Variants in PUM3 observed in about 807,000 individuals in gnomAD.
PUM3 encodes the protein pumilio RNA binding family member 3.
In PUM3, 91 loss-of-function variants were observed where a neutral mutation model predicts 84.0. The observed-to-expected ratio is 1.08, with a 90% CI of 0.91 to 1.29. The LOEUF (loss-of-function observed/expected upper bound fraction) is 1.29, where lower values mean the gene tolerates loss of function less well. Among genes scored for constraint, PUM3 ranks in the 50% most tolerant of loss-of-function variants. The probability of loss-of-function intolerance (pLI) is 0.00; values close to 1 mark genes in which losing one functional copy is unlikely to be tolerated. For synonymous variants in PUM3, 321 were observed against 266.7 expected, an observed-to-expected ratio of 1.20 and a Z score of -1.98; for missense variants, 1,067 against 767.5, an observed-to-expected ratio of 1.39 and a Z score of -4.61.
At position 2,824,778 on chromosome 9, in the gene PUM3, A is replaced by C; in HGVS notation, c.1073T>G (p.Leu358Arg). The stretch of plus-strand genomic sequence containing the variant: ...TCTGGCGCCATCGTGTGTGTGTGCC[A>C]GGTAGACCACCGCTTCGCGGATGGC... ...IEAIREAVVY[L>R]AHTHDGARVA... is the part of the protein sequence containing the mutation. The change falls in exon 11 of 18, where the codon CTG becomes CGG. Residue 358 changes from leucine (L) to arginine (R), a missense_variant. Transcript: ENST00000397885. 6.3e-7 allele frequency: 1 copy of C among 1,585,510 alleles called. No individual in the cohort carries two copies. The highest frequency in any genetic ancestry group is 8.6e-7 in the Non-Finnish European group (1 of 1,161,490).
chr9:2,842,841 A>G (rs1203596195), intron 1 of PUM3, among the ~76,000 whole-genome samples: 1 of 152,142 alleles, frequency 6.6e-6, no homozygotes, highest in African/African-American at 2.4e-5. Context: ...TTGCCCCACA[A>G]ACAACAATAT....
rs756132814 is a variant in PUM3, at chr9:2,829,833, A to C, written c.793T>G (p.Leu265Val). 4.3e-6 allele frequency: 7 copies of C among 1,614,056 alleles called. No individual in the cohort carries two copies. In the African/African-American group the frequency reaches 8.0e-5, roughly 18 times the overall value. Residue 265 changes from leucine (L) to valine (V), a missense_variant, in exon 8 of 18, where the codon TTG (leucine) becomes GTG (valine). Physicochemically the swap from Leu to Val is conservative, Grantham distance 32. Coordinates refer to ENST00000397885, the MANE Select transcript of PUM3 (RefSeq NM_014878.5). ...TCCGTCAGCATGTTCCTCTGCTCCA[A>C]AATGGCTTTGTCATTGTATGCGTAC... ...VEYAYNDKAI[L>V]EQRNMLTEEL... is the part of the protein sequence containing the mutation.
At position 2,824,814 on chromosome 9, in the gene PUM3, T is replaced by G; in HGVS notation, c.1037A>C (p.Glu346Ala). ...CGCTTCGCGGATGGCTTCAATCATT[T>G]CCTAGGGAACAAATGCTGTCAGGAA... Reference protein sequence around the residue: ...FTYAPPKLRSEMIEAIREAVV... With the variant: ...FTYAPPKLRSAMIEAIREAVV... The change falls in exon 11 of 18, where the codon GAA (glutamate) becomes GCA (alanine). Residue 346 changes from glutamate to alanine, a missense_variant and splice_region_variant. Transcript: ENST00000397885. The G allele has an allele frequency of 1.3e-6, 2 of 1,556,292 alleles. No individual in the cohort carries two copies. Among genetic ancestry groups the G allele is most frequent in the South Asian group, 2.4e-5 (2 of 84,168 alleles).
intron 13 of PUM3, among the ~76,000 whole-genome samples, chr9:2,816,222 TTAA>T (rs1279913373): frequency 1.3e-5 from 2 of 151,648 alleles, no homozygotes; most frequent in Non-Finnish European, 2.9e-5. Context: ...GGGAAGAGAG[TTAA>T]TAAAAAGTTA....
chr9:2,810,290 G>C (rs1821338605), intron 16 of PUM3, 54 bp downstream of exon 16: 4 of 1,177,882 alleles, frequency 3.4e-6, no homozygotes, highest in African/African-American at 1.5e-5. Flanking sequence ...GGGATGCCAG[G>C]AATTACTGGA....
At position 2,833,345 on chromosome 9, in the gene PUM3, T is replaced by C. The variant is rs372053263; in HGVS notation, c.516+12A>G. The C allele has an allele frequency of 2.0e-6, 3 of 1,466,990 alleles. No homozygotes were observed. The highest frequency in any genetic ancestry group is 2.9e-6 in the Non-Finnish European group (3 of 1,051,048). The allele number at this position is 1,466,990 out of a possible 1,614,324, so 90.9% of individuals were successfully genotyped here. A position where few individuals can be genotyped will look rare whatever the true frequency, so the allele number is the denominator to read the frequency against. On this transcript the variant is annotated intron_variant, in intron 5 of 17. Coordinates refer to ENST00000397885, the MANE Select transcript of PUM3 (RefSeq NM_014878.5). The stretch of plus-strand genomic sequence containing the variant: ...CTGTTAAAAATTGCAACAATGAGTA[T>C]ATGCTACTTACAGTTTTAATTTTCC...
Position 2,821,443 on chromosome 9 carries a change from C to CAAAAAAAAAA in PUM3, c.1189-1355_1189-1346dup, listed in dbSNP as rs572752267. On this transcript the variant is annotated intron_variant, in intron 12 of 17. Coordinates refer to ENST00000397885, the MANE Select transcript of PUM3 (RefSeq NM_014878.5). The stretch of plus-strand genomic sequence containing the variant: ...TGGGCGACAGAGCAAGACTCTGTCT[C>CAAAAAAAAAA]AAAAAAAAAAAAAAAAAAAGAACAT... 9.8e-3 allele frequency among the ~76,000 whole-genome samples: 492 copies of CAAAAAAAAAA among 49,986 alleles called. 55 individuals carry two copies. Among genetic ancestry groups the CAAAAAAAAAA allele is most frequent in the African/African-American group, 0.021 (262 of 12,380 alleles). The allele number at this position is 49,986 out of a possible 152,430, so 32.8% of individuals were successfully genotyped here. A position where few individuals can be genotyped will look rare whatever the true frequency, so the allele number is the denominator to read the frequency against.
rs766686437 is a variant in PUM3 at position 2,829,952 on chromosome 9, A to C, written c.678-4T>G. The C allele has an allele frequency of 6.2e-7, 1 of 1,601,138 alleles. No homozygotes were observed. The highest frequency in any genetic ancestry group is 8.5e-7 in the Non-Finnish European group (1 of 1,170,478). ...CTCTGCAATCTGTGGTTTACTTCTAAACGCAACACAATCATGGAAAAATAA... is the reference window on the plus strand; with the variant it reads ...CTCTGCAATCTGTGGTTTACTTCTACACGCAACACAATCATGGAAAAATAA... On this transcript the variant is annotated splice_polypyrimidine_tract_variant and splice_region_variant and intron_variant, in intron 7 of 17. Coordinates refer to ENST00000397885, the MANE Select transcript of PUM3 (RefSeq NM_014878.5).
Position 2,811,557 on chromosome 9 carries a change from C to A in PUM3, c.1439G>T (p.Arg480Leu), listed in dbSNP as rs2270889. Residue 480 changes from arginine (R) to leucine (L), a missense_variant, in exon 15 of 18, where the codon CGG (arginine) becomes CTG (leucine). Coordinates refer to ENST00000397885, the MANE Select transcript of PUM3 (RefSeq NM_014878.5). ...TGGAGAAATGGATTCTAGGAGCTCC[C>A]GTCTGCGGACCTCTGTATCTTTCTT... The part of the protein sequence containing the change: ...HSKKDTEVRR[R>L]ELLESISPAL... The A allele has an allele frequency of 4.3e-6, 7 of 1,613,942 alleles. No individual in the cohort carries two copies. In the South Asian group the frequency reaches 7.7e-5, roughly 18 times the overall value.
chr9:2,839,069 C>T (rs150956482), intron 1 of PUM3, among the ~76,000 whole-genome samples: 118 of 152,312 alleles, frequency 7.7e-4, no homozygotes, highest in African/African-American at 2.7e-3. Flanking sequence ...GTTTTAGACG[C>T]AGCCAAGCAA....
intron 9 of PUM3, 36 bp from the exon 10 acceptor site, chr9:2,827,187 G>T: frequency 2.1e-6 from 3 of 1,449,720 alleles, no homozygotes; most frequent in Non-Finnish European, 2.9e-6. Context: ...AGACACAACA[G>T]ATCTGGCACT....
rs1424527138 is a variant in PUM3 at position 2,827,126 on chromosome 9, C to A, written c.982G>T (p.Val328Leu). The A allele has an allele frequency of 2.5e-6, 4 of 1,609,512 alleles. No homozygotes were observed. In the Admixed American group the frequency reaches 5.1e-5, roughly 20 times the overall value. The stretch of plus-strand genomic sequence containing the variant: ...AAAAAGTCCAAGAATACTTTATGCA[C>A]CAATGAGTGCTTAATCACAGCTTCC... ...QKEAVIKHSLVHKVFLDFFTY... is the reference protein window; with the variant it reads ...QKEAVIKHSLLHKVFLDFFTY... The change falls in exon 10 of 18, where the codon GTG becomes TTG. Residue 328 changes from valine (V) to leucine (L), a missense_variant. Transcript: ENST00000397885.
In PUM3 at chr9:2,810,310, G is replaced by A. The variant is rs768063747; in HGVS notation, c.1723+34C>T. The A allele has an allele frequency of 8.2e-6, 11 of 1,348,644 alleles. No individual in the cohort carries two copies. In the South Asian group the frequency reaches 1.3e-4, roughly 16 times the overall value. The allele number at this position is 1,348,644 out of a possible 1,614,324, so 83.5% of individuals were successfully genotyped here. On this transcript the variant is annotated intron_variant, in intron 16 of 17. Transcript: ENST00000397885. ...GCCAGGAATTACTGGAATTCCACAT[G>A]AGATACAAGAAAAGGTCAAATTTCA...
chr9:2,837,428 A>G (rs1342956323), intron 2 of PUM3, 27 bp from the exon 3 acceptor site: 25 of 1,470,798 alleles, frequency 1.7e-5, no homozygotes, highest in Non-Finnish European at 2.3e-5. Flanking sequence ...TTATAAGTTC[A>G]ATGATTCTGG....
rs1441727335 is a variant in PUM3 at position 2,818,349 on chromosome 9, A to G, written c.1269+1669T>C. Reference sequence around the variant, plus strand: ...GAATGTGGGTTAAGCAGTTGTGGGAATCAAAGTGATAAGCATAAGGAATTA... The same window carrying G: ...GAATGTGGGTTAAGCAGTTGTGGGAGTCAAAGTGATAAGCATAAGGAATTA... On this transcript the variant is annotated intron_variant, in intron 13 of 17. Coordinates refer to ENST00000397885, the MANE Select transcript of PUM3 (RefSeq NM_014878.5). 2.6e-5 allele frequency among the ~76,000 whole-genome samples: 4 copies of G among 152,256 alleles called. No homozygotes were observed. In the East Asian group the frequency reaches 7.7e-4, roughly 29 times the overall value.
At chr9:2,840,463 T>A (rs1191313084) in intron 1 of PUM3, among the ~76,000 whole-genome samples, 2 of 152,252 alleles carry the variant, frequency 1.3e-5, no homozygotes, top group Non-Finnish European at 2.9e-5. Context: ...ACTTTAGCAT[T>A]TGTCGGTGGA....
chr9:2,838,662 A>G (rs1816195600), intron 1 of PUM3, 145 bp from the exon 2 acceptor site: 2 of 577,330 alleles, frequency 3.5e-6, no homozygotes, highest in East Asian at 5.6e-5. Context: ...AAGTACTTAA[A>G]TCCAGCAATT....
At position 2,827,101 on chromosome 9, in the gene PUM3, A is replaced by T. The variant is rs1178995767; in HGVS notation, c.1007T>A (p.Phe336Tyr). Residue 336 changes from phenylalanine to tyrosine, a missense_variant, in exon 10 of 18, where the codon TTT (phenylalanine) becomes TAT (tyrosine). Phe to Tyr is a conservative substitution (Grantham distance 22). Transcript: ENST00000397885. The stretch of plus-strand genomic sequence containing the variant: ...TCTGAGTTTGGGGGGTGCATAGGTA[A>T]AAAAGTCCAAGAATACTTTATGCAC... Reference protein sequence around the residue: ...SLVHKVFLDFFTYAPPKLRSE... With the variant: ...SLVHKVFLDFYTYAPPKLRSE... The T allele has an allele frequency of 6.2e-7, 1 of 1,610,220 alleles. No individual in the cohort carries two copies. The highest frequency in any genetic ancestry group is 8.5e-7 in the Non-Finnish European group (1 of 1,178,854).
chr9:2,831,266 A>T lies in PUM3; in HGVS notation c.595T>A (p.Phe199Ile), dbSNP rs377017737. 22 of 1,599,650 alleles carry T rather than the reference A, an allele frequency of 1.4e-5. No homozygotes were observed. The highest frequency in any genetic ancestry group is 1.7e-4 in the Middle Eastern group (1 of 6,042). Residue 199 changes from phenylalanine to isoleucine, a missense_variant, in exon 6 of 18, where the codon TTT (phenylalanine) becomes ATT (isoleucine). Coordinates refer to ENST00000397885, the MANE Select transcript of PUM3 (RefSeq NM_014878.5). The stretch of plus-strand genomic sequence containing the variant: ...TAATAAATACCTCGCAATTCTTCAA[A>T]AGCCTGTTTTCTCTGTTCTTCATTA... ...YGNEEQRKQA[F>I]EELRDDLVEL...
Sources: gnomAD v4.1 joint callset for allele counts (sites outside exome capture counted in the v4.1 genomes callset) on GRCh38, gnomAD v4.1.1 for gene constraint, MANE v1.5 for transcripts, NCBI Gene and HGNC (gene_info 2026-07-23, HGNC 2026-07-21) for gene names.